The following CALN1 variants were observed in gnomAD, a reference collection of about 807,000 sequenced individuals.
CALN1 encodes calcium-binding protein 8.
CALN1 carries 17 observed loss-of-function variants against 30.6 expected under a neutral mutation model. The observed-to-expected ratio is 0.56, with a 90% CI of 0.38 to 0.83. The LOEUF (loss-of-function observed/expected upper bound fraction) is 0.83. CALN1 is among the 40% of genes least tolerant of loss of function. The pLI is 0.00. For missense variants in CALN1, 291 were observed against 354.9 expected, an observed-to-expected ratio of 0.82 and a Z score of 1.45; for synonymous variants, 156 against 131.4, an observed-to-expected ratio of 1.19 and a Z score of -1.28.
At chr7:71,969,827 ATTT>A (rs35595164) in intron 5 of CALN1, among the ~76,000 whole-genome samples, 4 of 142,270 alleles carry the variant, frequency 2.8e-5, no homozygotes, top group Non-Finnish European at 4.6e-5. Flanking sequence ...CTGTAGGACC[ATTT>A]TTTTTTTTTT....
intron 2 of CALN1, among the ~76,000 whole-genome samples, chr7:72,293,851 C>A (rs1029604717): frequency 6.6e-6 from 1 of 152,174 alleles, no homozygotes; most frequent in Middle Eastern, 3.4e-3. Context: ...AATCCCAGCA[C>A]TTTGGGAGGC....
chr7:72,501,948 T>TATATATATATATAC, the CALN1 span, among the ~76,000 whole-genome samples: 20 of 72,348 alleles, frequency 2.8e-4, no homozygotes, highest in African/African-American at 1.5e-3. Flanking sequence ...TATATATATA[T>TATATATATATATAC]ACACACATAT....
At chr7:72,309,084 G>C (rs1799861237) in intron 2 of CALN1, among the ~76,000 whole-genome samples, 1 of 152,160 alleles carries the variant, frequency 6.6e-6, no homozygotes, top group African/African-American at 2.4e-5. Flanking sequence ...GTTAGTAAGT[G>C]GTAGACCAGG....
At chr7:71,975,486 G>A (rs1487865977) in intron 5 of CALN1, among the ~76,000 whole-genome samples, 2 of 152,040 alleles carry the variant, frequency 1.3e-5, no homozygotes, top group South Asian at 2.1e-4. Context: ...GAGTGCAGCA[G>A]TGCAATCATA....
chr7:72,081,405 G>A (rs981445517), intron 4 of CALN1, among the ~76,000 whole-genome samples: 5 of 137,948 alleles, frequency 3.6e-5, no homozygotes, highest in Non-Finnish European at 6.4e-5. Context: ...CAAAATCATA[G>A]GGTGTGTGTG....
chr7:71,891,821 G>A (rs1011283685), intron 5 of CALN1, among the ~76,000 whole-genome samples: 2 of 152,206 alleles, frequency 1.3e-5, no homozygotes, highest in Non-Finnish European at 2.9e-5. Flanking sequence ...GCTCACGCCT[G>A]TAATCCCAGC....
At chr7:72,268,532 A>G (rs1796743317) in intron 3 of CALN1, among the ~76,000 whole-genome samples, 1 of 152,196 alleles carries the variant, frequency 6.6e-6, no homozygotes, top group South Asian at 2.1e-4. Flanking sequence ...CAGGATGAGC[A>G]TGGTGGCTCA....
intron 5 of CALN1, among the ~76,000 whole-genome samples, chr7:71,967,328 A>G (rs1247944187): frequency 6.6e-6 from 1 of 152,128 alleles, no homozygotes; most frequent in East Asian, 1.9e-4. Flanking sequence ...ATCACAAAAC[A>G]AATACCTGTT....
At chr7:71,832,887 T>G (rs1789374766) in intron 5 of CALN1, among the ~76,000 whole-genome samples, 1 of 152,126 alleles carries the variant, frequency 6.6e-6, no homozygotes, top group Admixed American at 6.6e-5. Flanking sequence ...ATTACAGGCG[T>G]GAGCCGCCAT....
chr7:72,174,019 T>TGC (rs1175117111), intron 3 of CALN1, among the ~76,000 whole-genome samples: 2 of 151,910 alleles, frequency 1.3e-5, no homozygotes, highest in Non-Finnish European at 2.9e-5. Flanking sequence ...TGGGAGAATA[T>TGC]ATTTGCAACA....
chr7:72,005,371 C>T (rs1386345263), intron 5 of CALN1, among the ~76,000 whole-genome samples: 1 of 152,146 alleles, frequency 6.6e-6, no homozygotes, highest in Non-Finnish European at 1.5e-5. Context: ...CTCTTTCACC[C>T]AGGCTGGAGT....
At chr7:72,341,567 T>C (rs2129558800) in intron 2 of CALN1, among the ~76,000 whole-genome samples, 1 of 152,190 alleles carries the variant, frequency 6.6e-6, no homozygotes, top group African/African-American at 2.4e-5. Flanking sequence ...TTGGTAAGTG[T>C]AGAGATACAC....
the CALN1 span, among the ~76,000 whole-genome samples, chr7:72,487,903 A>G: frequency 1.1e-5 from 1 of 89,938 alleles, no homozygotes; most frequent in African/African-American, 5.3e-5. Context: ...AGAAAGAAAG[A>G]AAGAAAGAAA....
At chr7:72,042,625 CT>C (rs1802200156) in intron 4 of CALN1, among the ~76,000 whole-genome samples, 1 of 152,084 alleles carries the variant, frequency 6.6e-6, no homozygotes, top group Admixed American at 6.6e-5. Context: ...AACCCCAGCA[CT>C]TTGGGAGGCT....
chr7:72,493,681 A>T, the CALN1 span, among the ~76,000 whole-genome samples: 1 of 152,154 alleles, frequency 6.6e-6, no homozygotes, highest in Non-Finnish European at 1.5e-5. Flanking sequence ...TCTTTTCTAG[A>T]TCTTGAAGCC....
chr7:71,997,970 G>A (rs562726420), intron 5 of CALN1, among the ~76,000 whole-genome samples: 42 of 152,006 alleles, frequency 2.8e-4, no homozygotes, highest in South Asian at 2.1e-3. Flanking sequence ...ACAGGTGCAC[G>A]CCACTGTGCT....
At chr7:72,294,023 G>C (rs1413909518) in intron 2 of CALN1, among the ~76,000 whole-genome samples, 1 of 151,966 alleles carries the variant, frequency 6.6e-6, no homozygotes, top group African/African-American at 2.4e-5. Context: ...ACTTGAACCT[G>C]GGAGGTGGAG....
chr7:72,423,563 A>G (rs1226855144), intron 1 of CALN1, among the ~76,000 whole-genome samples: 1 of 152,206 alleles, frequency 6.6e-6, no homozygotes, highest in Non-Finnish European at 1.5e-5. Context: ...TAACCTTGCT[A>G]CTTGTAACAC....
At chr7:72,108,031 A>G (rs528089290) in intron 3 of CALN1, among the ~76,000 whole-genome samples, 1 of 152,338 alleles carries the variant, frequency 6.6e-6, no homozygotes, top group African/African-American at 2.4e-5. Context: ...ATTCTCTCAC[A>G]GTCTGGAGGC....
Sources: gnomAD v4.1 joint callset for allele counts (sites outside exome capture counted in the v4.1 genomes callset) on GRCh38, gnomAD v4.1.1 for gene constraint, MANE v1.5 for transcripts, NCBI Gene and HGNC (gene_info 2026-07-23, HGNC 2026-07-21) for gene names.